The following USP6NL variants were observed in gnomAD, a reference collection of about 807,000 sequenced individuals.
The protein encoded by USP6NL is USP6 N-terminal like.
Under a neutral mutation model 61.9 loss-of-function variants are expected in USP6NL, and 26 were observed. That is an observed-to-expected ratio of 0.42 (90% CI 0.31 to 0.58). The LOEUF (loss-of-function observed/expected upper bound fraction) is 0.58. USP6NL is among the 20% of genes least tolerant of loss of function. The pLI is 0.16. For missense variants in USP6NL, 1,114 were observed against 1,034.3 expected (o/e 1.08, Z -1.06); for synonymous variants, 432 against 390.1 (o/e 1.11, Z -1.27).
chr10:11,513,193 T>C lies in USP6NL; in HGVS notation c.196-3518A>G, dbSNP rs556472512. Among the ~76,000 whole-genome samples the C allele has an allele frequency of 2.0e-5, 3 of 152,162 alleles. No homozygotes were observed. Among genetic ancestry groups the C allele is most frequent in the Non-Finnish European group, 4.4e-5 (3 of 68,024 alleles). ...CTATGAAGGAATTAATAACATTCTG[T>C]GGTCTCAAGGTGGAGGGGTGGGAAG... is the stretch of plus-strand genomic sequence containing the variant. On this transcript the variant is annotated intron_variant, in intron 5 of 14. Transcript: ENST00000609104. The surrounding 1 kb of genome is among the most constrained non-coding windows in gnomAD (Gnocchi z 4.7).
Position 11,519,950 on chromosome 10 carries a change from A to G in USP6NL, c.156-1376T>C, listed in dbSNP as rs945415113. 6.6e-5 allele frequency among the ~76,000 whole-genome samples: 10 copies of G among 152,196 alleles called. No homozygotes were observed. In the East Asian group the frequency reaches 1.9e-3, roughly 29 times the overall value. Reference sequence around the variant, plus strand: ...ATCTTGAAGAGCATGATAGAGCGGTATTCACCAGTACGGTATTTTCAAAGG... The same window carrying G: ...ATCTTGAAGAGCATGATAGAGCGGTGTTCACCAGTACGGTATTTTCAAAGG... On this transcript the variant is annotated intron_variant, in intron 4 of 14. Coordinates refer to ENST00000609104, the MANE Select transcript of USP6NL (RefSeq NM_014688.5).
At chr10:11,599,963 C>T (rs371464990) in intron 1 of USP6NL, among the ~76,000 whole-genome samples, 2 of 151,920 alleles carry the variant, frequency 1.3e-5, no homozygotes, top group African/African-American at 2.4e-5. Context: ...CCAGCCCCTC[C>T]GACCTACTTT....
chr10:11,555,451 T>TATATATAG (rs1427219382), intron 2 of USP6NL, among the ~76,000 whole-genome samples: 6 of 60,998 alleles, frequency 9.8e-5, no homozygotes, highest in East Asian at 1.9e-3. Flanking sequence ...TATATATATA[T>TATATATAG]AGAGAGAGAG....
At chr10:11,554,292 A>G (rs1836599032) in intron 2 of USP6NL, among the ~76,000 whole-genome samples, 1 of 152,238 alleles carries the variant, frequency 6.6e-6, no homozygotes, top group Non-Finnish European at 1.5e-5. Context: ...TGAGGGGCCA[A>G]GATCCTACAG....
rs1835167205 is a variant in USP6NL, at chr10:11,520,583, C to T, written c.156-2009G>A. On this transcript the variant is annotated intron_variant, in intron 4 of 14. Transcript: ENST00000609104. This position sits in a 1 kb window ranked among gnomAD's most constrained non-coding sequence, Gnocchi z 5.2. ...GAACACATGCCTGCAGGCATGGATG[C>T]ATCCTTACCTTGCCTCCTAAATATC... Among the ~76,000 whole-genome samples the T allele has an allele frequency of 2.0e-5, 3 of 152,258 alleles. No homozygotes were observed. The highest frequency in any genetic ancestry group is 1.3e-4 in the Admixed American group (2 of 15,290).
chr10:11,526,252 T>C (rs940317981), intron 3 of USP6NL, among the ~76,000 whole-genome samples: 2 of 152,170 alleles, frequency 1.3e-5, no homozygotes, highest in African/African-American at 4.8e-5. Context: ...AATATAACTA[T>C]CTATATCAAT....
At chr10:11,556,531 T>C (rs1566178907) in intron 2 of USP6NL, among the ~76,000 whole-genome samples, 1 of 151,808 alleles carries the variant, frequency 6.6e-6, no homozygotes, top group Non-Finnish European at 1.5e-5. Context: ...AAAAGAGAGA[T>C]CATAAACAAA....
rs533807098 is a variant in USP6NL, at chr10:11,565,730, A to G, written c.4+31901T>C. ...CAGCGTAGGGTAGCAAACTGCAGTG[A>G]TCACAGCTACTATCCAGCCGCTCAC... On this transcript the variant is annotated intron_variant, in intron 2 of 14. Coordinates refer to ENST00000609104, the MANE Select transcript of USP6NL (RefSeq NM_014688.5). 2.6e-5 allele frequency: 4 copies of G among 152,260 alleles called. No individual in the cohort carries two copies. In the South Asian group the frequency reaches 8.3e-4, roughly 32 times the overall value. The allele number at this position is 152,260 out of a possible 1,614,324, so 9.4% of individuals were successfully genotyped here.
intron 10 of USP6NL, among the ~76,000 whole-genome samples, chr10:11,488,414 T>C (rs1012990878): frequency 1.1e-4 from 17 of 152,212 alleles, no homozygotes; most frequent in Middle Eastern, 6.8e-3. Context: ...GTCTCAACAG[T>C]TGTAATCTAA....
chr10:11,530,970 C>T (rs995874429), intron 2 of USP6NL, among the ~76,000 whole-genome samples: 4 of 152,130 alleles, frequency 2.6e-5, no homozygotes, highest in African/African-American at 4.8e-5. Context: ...TGACTGCAAA[C>T]GATTATCAAC....
At chr10:11,558,976 T>C (rs1024458362) in intron 2 of USP6NL, among the ~76,000 whole-genome samples, 2 of 152,186 alleles carry the variant, frequency 1.3e-5, no homozygotes, top group African/African-American at 4.8e-5. Flanking sequence ...AAACAAAACA[T>C]TGAAAAGCAA....
chr10:11,466,153 G>A (rs184155598), intron 14 of USP6NL, among the ~76,000 whole-genome samples: 15 of 152,214 alleles, frequency 9.9e-5, no homozygotes, highest in South Asian at 4.2e-4. Flanking sequence ...ACATGGGTTC[G>A]GCTTCCAAAG....
chr10:11,508,146 G>A (rs990718456), intron 6 of USP6NL, among the ~76,000 whole-genome samples: 2 of 150,858 alleles, frequency 1.3e-5, no homozygotes, highest in African/African-American at 4.9e-5. Flanking sequence ...TGTTTTGCTA[G>A]TAGGACTAAG....
chr10:11,490,728 A>G lies in USP6NL; in HGVS notation c.543+104T>C, dbSNP rs1409870285. 8.9e-6 allele frequency: 10 copies of G among 1,120,406 alleles called. No homozygotes were observed. In the African/African-American group the frequency reaches 1.4e-4, roughly 16 times the overall value. 69.4% of individuals were successfully genotyped at this position (1,120,406 alleles called of 1,614,324 possible). On this transcript the variant is annotated intron_variant, in intron 9 of 14. Transcript: ENST00000609104. This position sits in a 1 kb window ranked among gnomAD's most constrained non-coding sequence, Gnocchi z 4.5. ...CCACAGAGCTAAAGAGACCATGGAGACCACCTAGCTCTGAGATGCAGAAAT... is the reference window on the plus strand; with the variant it reads ...CCACAGAGCTAAAGAGACCATGGAGGCCACCTAGCTCTGAGATGCAGAAAT...
chr10:11,521,505 C>T (rs1835208271), intron 4 of USP6NL, among the ~76,000 whole-genome samples: 2 of 151,668 alleles, frequency 1.3e-5, no homozygotes, highest in Admixed American at 6.6e-5. Flanking sequence ...CTCAGCCTTC[C>T]AAGTAGCTGG....
chr10:11,519,372 G>C (rs1294978912), intron 4 of USP6NL, among the ~76,000 whole-genome samples: 2 of 152,212 alleles, frequency 1.3e-5, no homozygotes, highest in African/African-American at 4.8e-5. Context: ...GCTCACGCCT[G>C]TAATCCCAAC....
chr10:11,548,756 A>C lies in USP6NL; in HGVS notation c.5-21189T>G, dbSNP rs1470992451. On this transcript the variant is annotated intron_variant, in intron 2 of 14. Coordinates refer to ENST00000609104, the MANE Select transcript of USP6NL (RefSeq NM_014688.5). This position sits in a 1 kb window ranked among gnomAD's most constrained non-coding sequence, Gnocchi z 4.3. ...ATCTATATATGACCTATATCCTCCAACCATCATTTGTTCTTCTAGTCTATG... is the reference window on the plus strand; with the variant it reads ...ATCTATATATGACCTATATCCTCCACCCATCATTTGTTCTTCTAGTCTATG... 6.6e-6 allele frequency among the ~76,000 whole-genome samples: 1 copy of C among 152,156 alleles called. No individual in the cohort carries two copies. Among genetic ancestry groups the C allele is most frequent in the African/African-American group, 2.4e-5 (1 of 41,440 alleles).
intron 2 of USP6NL, among the ~76,000 whole-genome samples, chr10:11,531,892 G>C (rs1284965848): frequency 6.6e-6 from 1 of 152,088 alleles, no homozygotes; most frequent in Non-Finnish European, 1.5e-5. Context: ...TTTTTAAGAA[G>C]CATTTTAAAA....
intron 2 of USP6NL, among the ~76,000 whole-genome samples, chr10:11,583,238 G>A (rs1837847774): frequency 1.3e-5 from 2 of 150,176 alleles, no homozygotes; most frequent in African/African-American, 4.9e-5. Context: ...GCCCAGGCTG[G>A]AGTGCAGTGG....
Sources: gnomAD v4.1 joint callset for allele counts (sites outside exome capture counted in the v4.1 genomes callset) on GRCh38, gnomAD v4.1.1 for gene constraint, Gnocchi (gnomAD v3.1) non-coding constraint, MANE v1.5 for transcripts, NCBI Gene and HGNC (gene_info 2026-07-23, HGNC 2026-07-21) for gene names.